The following MTCH2 variants were observed in gnomAD, a reference collection of about 807,000 sequenced individuals.
The protein encoded by MTCH2 is mitochondrial carrier 2.
In MTCH2, 25 loss-of-function variants were observed where a neutral mutation model predicts 50.6. That is an observed-to-expected ratio of 0.49 (90% CI 0.36 to 0.69). MTCH2 has a LOEUF of 0.69. MTCH2 is among the 30% of genes least tolerant of loss of function. The probability of loss-of-function intolerance (pLI) is 0.00; values close to 1 mark genes in which losing one functional copy is unlikely to be tolerated. For synonymous variants in MTCH2, 106 were observed against 132.0 expected (o/e 0.80, Z 1.35); for missense variants, 273 against 384.4 (o/e 0.71, Z 2.42).
chr11:47,611,940 C>T, the MTCH2 span, among the ~76,000 whole-genome samples: 1 of 152,146 alleles, frequency 6.6e-6, no homozygotes, highest in Non-Finnish European at 1.5e-5. Flanking sequence ...ATCTTATAAT[C>T]ATGGGACACT....
the MTCH2 span, among the ~76,000 whole-genome samples, chr11:47,609,220 C>T: frequency 2.3e-4 from 35 of 150,838 alleles, no homozygotes; most frequent in Admixed American, 1.9e-3. Flanking sequence ...TTTGGGAGGC[C>T]GAGGCGGGCG....
intron 5 of MTCH2, among the ~76,000 whole-genome samples, chr11:47,632,499 A>G (rs181302742): frequency 2.7e-4 from 41 of 151,260 alleles, no homozygotes; most frequent in Admixed American, 4.0e-4. Context: ...GACTACAGGC[A>G]CCCGCCATCA....
At chr11:47,630,145 C>T (rs2097301729) in intron 8 of MTCH2, among the ~76,000 whole-genome samples, 1 of 152,162 alleles carries the variant, frequency 6.6e-6, no homozygotes. Context: ...TCTCCTGCCT[C>T]AGCCTCCCGA....
chr11:47,642,010 T>C (rs1307456792), intron 1 of MTCH2, among the ~76,000 whole-genome samples: 1 of 152,092 alleles, frequency 6.6e-6, no homozygotes, highest in South Asian at 2.1e-4. Context: ...GGGGGAGTAG[T>C]GGTGAATGTG....
At chr11:47,639,661 A>C (rs2097312135) in intron 1 of MTCH2, among the ~76,000 whole-genome samples, 1 of 152,076 alleles carries the variant, frequency 6.6e-6, no homozygotes, top group South Asian at 2.1e-4. Flanking sequence ...CAACATGGTG[A>C]AACCCTGTCT....
chr11:47,631,796 T>A, intron 5 of MTCH2, 85 bp from the exon 6 acceptor site: 2 of 1,441,728 alleles, frequency 1.4e-6, no homozygotes, highest in Non-Finnish European at 1.9e-6. Flanking sequence ...GATATCGTGG[T>A]ATAGGATAAG....
chr11:47,634,346 C>G (rs151048676), intron 5 of MTCH2, among the ~76,000 whole-genome samples: 5 of 152,150 alleles, frequency 3.3e-5, no homozygotes, highest in African/African-American at 1.2e-4. Context: ...TCCCAAAGTG[C>G]TGGGATTACA....
intron 7 of MTCH2, 58 bp downstream of exon 7, chr11:47,630,978 A>G (rs1015825399): frequency 7.5e-6 from 10 of 1,325,860 alleles, no homozygotes; most frequent in African/African-American, 4.4e-5. Flanking sequence ...AAGTAGTATT[A>G]TTCTAGTACT....
downstream of MTCH2, among the ~76,000 whole-genome samples, chr11:47,616,243 T>A (rs1336166429): frequency 6.6e-6 from 1 of 152,182 alleles, no homozygotes; most frequent in Non-Finnish European, 1.5e-5. Flanking sequence ...ACACTCTTCT[T>A]AAGTCAAGGT....
At chr11:47,624,084 T>C (rs1201397313) in intron 11 of MTCH2, among the ~76,000 whole-genome samples, 1 of 151,648 alleles carries the variant, frequency 6.6e-6, no homozygotes, top group Non-Finnish European at 1.5e-5. Context: ...TACAAAAAAT[T>C]AGCCAGGCAT....
chr11:47,609,153 AG>A, the MTCH2 span, among the ~76,000 whole-genome samples: 1 of 148,898 alleles, frequency 6.7e-6, no homozygotes, highest in Non-Finnish European at 1.5e-5. Flanking sequence ...AAAAGAAAAA[AG>A]AAAAAAAAAT....
At position 47,639,329 on chromosome 11, in the gene MTCH2, T is replaced by C. The variant is rs535070263; in HGVS notation, c.88-278A>G. On this transcript the variant is annotated intron_variant, in intron 1 of 12. Transcript: ENST00000302503. ...ATATCAAACTGAAAGAAGGGAACTTTTGCGTTAGGAAAGCTACAGTTTACT... is the reference window on the plus strand; with the variant it reads ...ATATCAAACTGAAAGAAGGGAACTTCTGCGTTAGGAAAGCTACAGTTTACT... Among the ~76,000 whole-genome samples the C allele has an allele frequency of 1.5e-3, 224 of 152,322 alleles. 1 individual carries two copies. Among genetic ancestry groups the C allele is most frequent in the African/African-American group, 5.1e-3 (213 of 41,578 alleles).
chr11:47,634,597 G>A, intron 5 of MTCH2, 75 bp downstream of exon 5: 2 of 1,157,886 alleles, frequency 1.7e-6, no homozygotes, highest in South Asian at 1.3e-5. Context: ...ACACAGGCCT[G>A]ATGATTCTGA....
chr11:47,628,844 CT>C (rs2097300453), intron 9 of MTCH2, 108 bp downstream of exon 9: 2 of 927,168 alleles, frequency 2.2e-6, no homozygotes, highest in Admixed American at 2.3e-5. Flanking sequence ...TCCCAAAGTG[CT>C]GGGATTACAG....
At chr11:47,624,266 C>T (rs1016034472) in intron 11 of MTCH2, among the ~76,000 whole-genome samples, 2 of 149,582 alleles carry the variant, frequency 1.3e-5, no homozygotes, top group African/African-American at 4.9e-5. Flanking sequence ...TTTTGCCCAA[C>T]TCAGTAGAGT....
At chr11:47,629,194 A>G (rs114072771) in intron 8 of MTCH2, 148 bp from the exon 9 acceptor site, 1 of 640,586 alleles carries the variant, frequency 1.6e-6, no homozygotes, top group Non-Finnish European at 2.7e-6. Flanking sequence ...TCCAGCCCGC[A>G]TACCTAGTTC....
chr11:47,615,679 C>T (rs536042890), downstream of MTCH2, among the ~76,000 whole-genome samples: 4 of 150,532 alleles, frequency 2.7e-5, no homozygotes, highest in African/African-American at 7.3e-5. Flanking sequence ...GTTGACCAGG[C>T]GGGAGTGCAG....
At chr11:47,628,425 G>A (rs1331379427) in intron 9 of MTCH2, among the ~76,000 whole-genome samples, 3 of 152,108 alleles carry the variant, frequency 2.0e-5, no homozygotes, top group East Asian at 1.9e-4. Context: ...CACATCTTAC[G>A]GACTTTTAAC....
chr11:47,622,889 T>A, intron 11 of MTCH2, 113 bp from the exon 12 acceptor site: 1 of 621,560 alleles, frequency 1.6e-6, no homozygotes, highest in Non-Finnish European at 2.7e-6. Context: ...GAGAGATCAT[T>A]TTAGTTCAAT....
Sources: gnomAD v4.1 joint callset for allele counts (sites outside exome capture counted in the v4.1 genomes callset) on GRCh38, gnomAD v4.1.1 for gene constraint, MANE v1.5 for transcripts, NCBI Gene and HGNC (gene_info 2026-07-23, HGNC 2026-07-21) for gene names.